The following ABCG8 variants were observed in gnomAD, a reference collection of about 807,000 sequenced individuals.
ABCG8 encodes ATP binding cassette subfamily G member 8, also known as ATP-binding cassette sub-family G member 8.
Under a neutral mutation model 71.3 loss-of-function variants are expected in ABCG8, and 81 were observed. The ratio of observed to expected loss-of-function variants is 1.14; its 90% CI spans 0.95 to 1.37. The LOEUF is 1.37. Ranked by LOEUF, ABCG8 falls within the 40% of genes most tolerant of loss-of-function variation. ABCG8 has a pLI of 0.00. For synonymous variants in ABCG8, 451 were observed against 354.7 expected, an observed-to-expected ratio of 1.27 and a Z score of -3.05; for missense variants, 1,119 against 866.2, an observed-to-expected ratio of 1.29 and a Z score of -3.66.
Position 43,852,594 on chromosome 2 carries a change from G to A in ABCG8, c.695-5G>A. ...ACTCACCAGGCTCCTCTCTGTGTTG[G>A]AAAGGAATCCTTATTCTCGACGAAC... On this transcript the variant is annotated splice_region_variant and splice_polypyrimidine_tract_variant and intron_variant, in intron 5 of 12. Transcript: ENST00000272286. The A allele has an allele frequency of 6.2e-7, 1 of 1,614,152 alleles. No individual in the cohort carries two copies. The highest frequency in any genetic ancestry group is 8.5e-7 in the Non-Finnish European group (1 of 1,180,020).
intron 6 of ABCG8, among the ~76,000 whole-genome samples, chr2:43,855,512 A>G (rs1302483603): frequency 6.6e-6 from 1 of 152,080 alleles, no homozygotes; most frequent in African/African-American, 2.4e-5. Flanking sequence ...CTATCTGGAA[A>G]GAATTCTCAG....
intron 6 of ABCG8, among the ~76,000 whole-genome samples, chr2:43,854,527 T>C (rs1241985635): frequency 6.7e-6 from 1 of 149,198 alleles, no homozygotes; most frequent in African/African-American, 2.5e-5. Flanking sequence ...CTTGGGAGGC[T>C]GAGGCACGAG....
Position 43,875,217 on chromosome 2 carries a change from C to A in ABCG8, c.1560C>A (p.Asn520Lys). 1 of 1,614,218 alleles carries A rather than the reference C, an allele frequency of 6.2e-7. No individual in the cohort carries two copies. The highest frequency in any genetic ancestry group is 1.3e-5 in the African/African-American group (1 of 75,068). The change falls in exon 11 of 13, where the codon AAC becomes AAA. Residue 520 changes from asparagine (N) to lysine (K), a missense_variant. By Grantham distance (94) the Asn-to-Lys change is moderately conservative. Transcript: ENST00000272286. ...GGATGCCCACCTACTGGCTGGCCAACCTGAGGCCAGGCCTCCAGCCCTTCC... is the reference window on the plus strand; with the variant it reads ...GGATGCCCACCTACTGGCTGGCCAAACTGAGGCCAGGCCTCCAGCCCTTCC... ...IYGMPTYWLANLRPGLQPFLL... is the reference protein window; with the variant it reads ...IYGMPTYWLAKLRPGLQPFLL...
At chr2:43,858,567 C>T (rs58245941) in intron 6 of ABCG8, among the ~76,000 whole-genome samples, 1 of 150,818 alleles carries the variant, frequency 6.6e-6, no homozygotes, top group Non-Finnish European at 1.5e-5. Flanking sequence ...TCTGGATAGA[C>T]TACTCACCAT....
chr2:43,838,990 G>A lies in ABCG8; in HGVS notation c.-64G>A. On this transcript the variant is annotated 5_prime_UTR_variant, in exon 1 of 13. Coordinates refer to ENST00000272286, the MANE Select transcript of ABCG8 (RefSeq NM_022437.3). This position sits in a 1 kb window ranked among gnomAD's most constrained non-coding sequence, Gnocchi z 4.2. ...TCCAGGAAACAGAGTGAAGACACTG[G>A]CCCTGGCAGGCAGCAGCTGGGTCTA... The A allele has an allele frequency of 4.7e-6, 7 of 1,498,064 alleles. No individual in the cohort carries two copies. The highest frequency in any genetic ancestry group is 6.4e-6 in the Non-Finnish European group (7 of 1,100,518). 92.8% of individuals were successfully genotyped at this position (1,498,064 alleles called of 1,614,324 possible). A position where few individuals can be genotyped will look rare whatever the true frequency, so the allele number is the denominator to read the frequency against.
Position 43,872,027 on chromosome 2 carries a change from G to A in ABCG8, c.1016G>A (p.Arg339Lys). The change falls in exon 7 of 13, where the codon AGG (arginine) becomes AAG (lysine). Residue 339 changes from arginine (R) to lysine (K), a missense_variant. Physicochemically the swap from Arg to Lys is conservative, Grantham distance 26. Transcript: ENST00000272286. Reference sequence around the variant, plus strand: ...AGCAGAGAGCAGGAATTGGCCACCAGGGAGAAGGCTCAGTCACTCGCAGCC... The same window carrying A: ...AGCAGAGAGCAGGAATTGGCCACCAAGGAGAAGGCTCAGTCACTCGCAGCC... ...RRSREQELAT[R>K]EKAQSLAALF... The A allele has an allele frequency of 6.2e-7, 1 of 1,614,114 alleles. No homozygotes were observed. The highest frequency in any genetic ancestry group is 8.5e-7 in the Non-Finnish European group (1 of 1,180,048).
intron 10 of ABCG8, 127 bp downstream of exon 10, chr2:43,874,610 C>A: frequency 1.3e-6 from 1 of 764,748 alleles, no homozygotes; most frequent in South Asian, 1.4e-5. Flanking sequence ...GTCACCGATG[C>A]CACCAGATGC....
In ABCG8 at chr2:43,851,863, G is replaced by T. The variant is rs1345765709; in HGVS notation, c.561+41G>T. 5.0e-6 allele frequency: 8 copies of T among 1,605,034 alleles called. No homozygotes were observed. In the South Asian group the frequency reaches 8.8e-5, roughly 18 times the overall value. On this transcript the variant is annotated intron_variant, in intron 4 of 12. Transcript: ENST00000272286. ...CAGTGGTGACCCCCAGGTCCAAGAA[G>T]CTACAGTGTCCATGCCCCGCTCCTC...
chr2:43,880,675 C>T lies in ABCG8; in HGVS notation c.*2762C>T, dbSNP rs11679242. ...GTGTGTGTGTGTGTGCGCGCGCGCGCGCGCATGTGCATACATATACACCTA... is the reference window on the plus strand; with the variant it reads ...GTGTGTGTGTGTGTGCGCGCGCGCGTGCGCATGTGCATACATATACACCTA... On this transcript the variant is annotated 3_prime_UTR_variant, in exon 13 of 13. Transcript: ENST00000272286. 0.32 allele frequency: 48,833 copies of T among 151,976 alleles called. 8,498 individuals carry two copies. Among genetic ancestry groups the T allele is most frequent in the African/African-American group, 0.46 (19,012 of 41,322 alleles). The allele number at this position is 151,976 out of a possible 1,614,324, so 9.4% of individuals were successfully genotyped here.
intron 10 of ABCG8, 27 bp downstream of exon 10, chr2:43,874,510 G>GCTC: frequency 6.5e-7 from 1 of 1,538,952 alleles, no homozygotes; most frequent in Non-Finnish European, 9.0e-7. Flanking sequence ...GAGAGCAAGT[G>GCTC]CCCCCCACCC....
intron 2 of ABCG8, among the ~76,000 whole-genome samples, chr2:43,845,170 AG>A (rs1271049018): frequency 2.0e-5 from 3 of 151,402 alleles, no homozygotes; most frequent in Non-Finnish European, 2.9e-5. Context: ...AAACATCCAG[AG>A]TGCAAAGACA....
At chr2:43,861,176 C>A (rs571181970) in intron 6 of ABCG8, among the ~76,000 whole-genome samples, 1 of 151,578 alleles carries the variant, frequency 6.6e-6, no homozygotes, top group Admixed American at 6.6e-5. Flanking sequence ...ATAGAATTCT[C>A]ACCATCTAGA....
At chr2:43,874,021 C>T (rs372620885) in intron 9 of ABCG8, 35 bp downstream of exon 9, 2 of 1,608,642 alleles carry the variant, frequency 1.2e-6, no homozygotes, top group Non-Finnish European at 1.7e-6. Flanking sequence ...CAGGCAGGAC[C>T]TCAGCCACCT....
intron 6 of ABCG8, among the ~76,000 whole-genome samples, chr2:43,862,787 C>G (rs945974354): frequency 5.3e-5 from 8 of 150,796 alleles, no homozygotes; most frequent in Admixed American, 2.6e-4. Context: ...CTCTCACTAT[C>G]TCTCTGTGTA....
rs1414467456 is a variant in ABCG8, at chr2:43,879,741, C to A, written c.*1828C>A. 6.6e-6 allele frequency: 1 copy of A among 152,160 alleles called. No individual in the cohort carries two copies. The highest frequency in any genetic ancestry group is 2.4e-5 in the African/African-American group (1 of 41,418). The allele number at this position is 152,160 out of a possible 1,614,324, so 9.4% of individuals were successfully genotyped here. ...TTCCTTCACTTTTGTGACCTTGATA[C>A]TTGAGTTTGAAGGCTGTCTCTCAAT... On this transcript the variant is annotated 3_prime_UTR_variant, in exon 13 of 13. Coordinates refer to ENST00000272286, the MANE Select transcript of ABCG8 (RefSeq NM_022437.3).
intron 6 of ABCG8, among the ~76,000 whole-genome samples, chr2:43,862,789 C>G (rs6544715): frequency 2.0e-5 from 3 of 149,978 alleles, no homozygotes; most frequent in South Asian, 4.2e-4. Context: ...CTCACTATCT[C>G]TCTGTGTAGA....
intron 6 of ABCG8, among the ~76,000 whole-genome samples, chr2:43,858,070 C>G (rs982189320): frequency 2.6e-4 from 40 of 151,624 alleles, no homozygotes; most frequent in African/African-American, 9.4e-4. Flanking sequence ...CTCTCACTAT[C>G]TGGAGAGAAT....
chr2:43,870,255 A>G (rs1669715152), intron 6 of ABCG8, among the ~76,000 whole-genome samples: 1 of 151,260 alleles, frequency 6.6e-6, no homozygotes, highest in Admixed American at 6.6e-5. Flanking sequence ...AACTAGCACT[A>G]TCTGGGTAGA....
intron 6 of ABCG8, among the ~76,000 whole-genome samples, chr2:43,854,975 C>G (rs924185236): frequency 2.0e-5 from 3 of 152,208 alleles, no homozygotes; most frequent in African/African-American, 7.2e-5. Flanking sequence ...TGGGGCAGAG[C>G]AGCCGACCAA....
Sources: allele counts gnomAD v4.1 joint callset (sites outside exome capture counted in the v4.1 genomes callset), GRCh38; gene constraint gnomAD v4.1.1; non-coding constraint Gnocchi (gnomAD v3.1); transcripts MANE v1.5; gene names NCBI Gene and HGNC (gene_info 2026-07-23, HGNC 2026-07-21).